RTN4IP1: variants seen among roughly 807,000 people sequenced by gnomAD.
RTN4IP1 encodes the protein reticulon 4 interacting protein 1, also known as NAD(P)H oxidoreductase RTN4IP1, mitochondrial.
In RTN4IP1, 32 loss-of-function variants were observed where a neutral mutation model predicts 46.6. The observed-to-expected ratio is 0.69, with a 90% confidence interval of 0.52 to 0.92. The LOEUF (loss-of-function observed/expected upper bound fraction) is 0.92, where lower values mean the gene tolerates loss of function less well. Ranked by LOEUF, RTN4IP1 falls within the 40% of genes least tolerant of loss-of-function variation. The pLI, the probability that RTN4IP1 is intolerant of heterozygous loss-of-function variation, is 0.00. For synonymous variants in RTN4IP1, 167 were observed against 161.8 expected, an observed-to-expected ratio of 1.03 and a Z score of -0.24; for missense variants, 424 against 485.8, an observed-to-expected ratio of 0.87 and a Z score of 1.20.
chr6:106,584,193 C>T (rs1349601788), intron 7 of RTN4IP1, among the ~76,000 whole-genome samples: 1 of 152,238 alleles, frequency 6.6e-6, no homozygotes, highest in African/African-American at 2.4e-5. Context: ...CTCACCTCAG[C>T]CTCCCAAAGT....
At chr6:106,600,916 A>G (rs1775930975) in intron 5 of RTN4IP1, among the ~76,000 whole-genome samples, 1 of 152,120 alleles carries the variant, frequency 6.6e-6, no homozygotes, top group South Asian at 2.1e-4. Context: ...TTAGGCTTAA[A>G]TATATGTTTT....
chr6:106,627,746 T>C (rs1776684769), intron 1 of RTN4IP1, among the ~76,000 whole-genome samples: 1 of 104,666 alleles, frequency 9.6e-6, no homozygotes, highest in Admixed American at 9.9e-5. Context: ...TTCAATGCTT[T>C]TTTTTTTTTT....
chr6:106,578,089 G>C (rs1276880904), intron 8 of RTN4IP1, among the ~76,000 whole-genome samples: 4 of 152,108 alleles, frequency 2.6e-5, no homozygotes, highest in African/African-American at 4.8e-5. Context: ...TTAGCAGCAG[G>C]TATCATCTGA....
intron 4 of RTN4IP1, among the ~76,000 whole-genome samples, chr6:106,611,276 A>C (rs188987013): frequency 2.6e-4 from 40 of 152,282 alleles, no homozygotes; most frequent in African/African-American, 9.6e-4. Flanking sequence ...TCTGGGAGTC[A>C]ATGAAAAAGA....
intron 6 of RTN4IP1, among the ~76,000 whole-genome samples, chr6:106,591,652 C>T (rs12530093): frequency 0.073 from 11,051 of 152,072 alleles, 591 homozygotes; most frequent in East Asian, 0.2. Context: ...AAGAGAATTC[C>T]TGAATGCATT....
At chr6:106,577,447 C>CAA (rs58921891) in intron 8 of RTN4IP1, among the ~76,000 whole-genome samples, 43,294 of 55,466 alleles carry the variant, frequency 0.78, 18,319 homozygotes, top group Non-Finnish European at 0.87. Context: ...GACCCTGTCT[C>CAA]AAAAAAAAAA....
intron 4 of RTN4IP1, 48 bp downstream of exon 4, chr6:106,619,154 G>A (rs769773821): frequency 6.2e-7 from 1 of 1,603,860 alleles, no homozygotes; most frequent in Non-Finnish European, 8.5e-7. Context: ...GGAACTCACA[G>A]AAGGAAAGAA....
rs149924788 is a variant in RTN4IP1 at position 106,629,185 on chromosome 6, AAAG to A, written c.-167_-165del. 0.044 allele frequency: 27,502 copies of A among 621,722 alleles called. 803 individuals carry two copies. The highest frequency in any genetic ancestry group is 0.059 in the Non-Finnish European group (21,482 of 363,266). 38.5% of individuals were successfully genotyped at this position (621,722 alleles called of 1,614,324 possible). A position where few individuals can be genotyped will look rare whatever the true frequency, so the allele number is the denominator to read the frequency against. The stretch of plus-strand genomic sequence containing the variant: ...TGAAGCTAATCTAATGGAGAAACTG[AAAG>A]AAGAATACGGAACTGTTATTCCGCT... On this transcript the variant is annotated 5_prime_UTR_variant, in exon 1 of 9. Coordinates refer to ENST00000369063, the MANE Select transcript of RTN4IP1 (RefSeq NM_032730.5).
At chr6:106,613,695 C>T (rs1369348463) in intron 4 of RTN4IP1, among the ~76,000 whole-genome samples, 1 of 152,164 alleles carries the variant, frequency 6.6e-6, no homozygotes, top group Non-Finnish European at 1.5e-5. Context: ...TAGTTCTGCT[C>T]ATGATGAGAG....
At chr6:106,580,454 C>T (rs1775337748) in intron 8 of RTN4IP1, among the ~76,000 whole-genome samples, 1 of 152,186 alleles carries the variant, frequency 6.6e-6, no homozygotes, top group East Asian at 1.9e-4. Context: ...TGCAGTGGCT[C>T]ATGTCTGTAA....
intron 5 of RTN4IP1, among the ~76,000 whole-genome samples, chr6:106,598,042 T>C (rs1324220586): frequency 6.6e-6 from 1 of 152,214 alleles, no homozygotes; most frequent in Non-Finnish European, 1.5e-5. Flanking sequence ...TTTTTATGGC[T>C]GCATAGTATT....
At chr6:106,597,463 G>A (rs900822546) in intron 5 of RTN4IP1, among the ~76,000 whole-genome samples, 2 of 152,058 alleles carry the variant, frequency 1.3e-5, no homozygotes, top group Non-Finnish European at 2.9e-5. Flanking sequence ...TCACACCTCA[G>A]CCTCTCCATA....
At chr6:106,626,008 A>G (rs6916265) in intron 1 of RTN4IP1, among the ~76,000 whole-genome samples, 12,116 of 152,060 alleles carry the variant, frequency 0.08, 1,239 homozygotes, top group African/African-American at 0.22. Context: ...ATACTAATGG[A>G]GATGATCCAG....
At chr6:106,607,928 G>C (rs1454208868) in intron 4 of RTN4IP1, 1 of 152,176 alleles carries the variant, frequency 6.6e-6, no homozygotes, top group Admixed American at 6.5e-5. Context: ...ACGGTATGAA[G>C]TTTTCCCTAA....
In RTN4IP1 at chr6:106,571,176, C is replaced by T. The variant is rs1464918828; in HGVS notation, c.*820G>A. ...TAAAAAGTTAGAAACTCTGCTCTCA[C>T]CTTTCAATATTAAGAGCATAAACAA... is the stretch of plus-strand genomic sequence containing the variant. On this transcript the variant is annotated 3_prime_UTR_variant, in exon 9 of 9. Transcript: ENST00000369063. 3 of 152,154 alleles carry T rather than the reference C, an allele frequency of 2.0e-5. No homozygotes were observed. The highest frequency in any genetic ancestry group is 4.4e-5 in the Non-Finnish European group (3 of 68,028). The allele number at this position is 152,154 out of a possible 1,614,324, so 9.4% of individuals were successfully genotyped here. A position where few individuals can be genotyped will look rare whatever the true frequency, so the allele number is the denominator to read the frequency against.
At chr6:106,605,742 G>T (rs1208410382) in intron 4 of RTN4IP1, among the ~76,000 whole-genome samples, 4 of 148,272 alleles carry the variant, frequency 2.7e-5, no homozygotes, top group Non-Finnish European at 4.5e-5. Context: ...GCATGAACCC[G>T]GGAGGCAGAG....
chr6:106,622,017 T>G (rs115410744), intron 2 of RTN4IP1, among the ~76,000 whole-genome samples: 18 of 152,108 alleles, frequency 1.2e-4, no homozygotes, highest in African/African-American at 4.3e-4. Context: ...GCAGAAATTG[T>G]CATTTAAAGG....
intron 4 of RTN4IP1, among the ~76,000 whole-genome samples, chr6:106,615,175 AGGGTAAT>A (rs2114672024): frequency 6.6e-6 from 1 of 152,242 alleles, no homozygotes; most frequent in African/African-American, 2.4e-5. Flanking sequence ...AAAGTCCAAA[AGGGTAAT>A]GGGCTTGGGG....
intron 1 of RTN4IP1, 146 bp downstream of exon 1, chr6:106,628,602 A>C (rs1018534614): frequency 1.4e-6 from 1 of 731,670 alleles, no homozygotes; most frequent in Non-Finnish European, 2.1e-6. Flanking sequence ...CAATTTCAAA[A>C]ATTTTGGAAA....
Sources: gnomAD v4.1 joint callset for allele counts (sites outside exome capture counted in the v4.1 genomes callset) on GRCh38, gnomAD v4.1.1 for gene constraint, MANE v1.5 for transcripts, NCBI Gene and HGNC (gene_info 2026-07-23, HGNC 2026-07-21) for gene names.